Variants in CNTNAP2 observed in about 807,000 individuals in gnomAD.
The protein encoded by CNTNAP2 is contactin associated protein 2, also known as contactin-associated protein-like 2.
Under a neutral mutation model 155.2 loss-of-function variants are expected in CNTNAP2, and 98 were observed. That is an observed-to-expected ratio of 0.63 (90% CI 0.54 to 0.75). The LOEUF is 0.75. CNTNAP2 is among the 30% of genes least tolerant of loss of function. CNTNAP2 has a pLI of 0.00. For synonymous variants in CNTNAP2, 651 were observed against 631.2 expected (o/e 1.03, Z -0.47); for missense variants, 1,727 against 1,688.1 (o/e 1.02, Z -0.40).
chr7:147,415,081 C>T (rs1408756318), intron 10 of CNTNAP2, among the ~76,000 whole-genome samples: 1 of 152,048 alleles, frequency 6.6e-6, no homozygotes, highest in Non-Finnish European at 1.5e-5. Flanking sequence ...GTTCTAGACT[C>T]CCCTCAGCCA....
At chr7:147,541,890 T>C (rs1008286654) in intron 11 of CNTNAP2, among the ~76,000 whole-genome samples, 3 of 152,074 alleles carry the variant, frequency 2.0e-5, no homozygotes, top group South Asian at 2.1e-4. Context: ...AGCAACTTTT[T>C]GGGTAATAAA....
At chr7:147,922,350 C>G (rs1563136139) in intron 14 of CNTNAP2, among the ~76,000 whole-genome samples, 1 of 152,208 alleles carries the variant, frequency 6.6e-6, no homozygotes, top group Non-Finnish European at 1.5e-5. Context: ...AAATCCATCA[C>G]TGACACTAAC....
chr7:147,274,056 A>G (rs1496551), intron 8 of CNTNAP2, among the ~76,000 whole-genome samples: 6,452 of 151,408 alleles, frequency 0.043, 157 homozygotes, highest in Non-Finnish European at 0.052. Context: ...ACACACACAA[A>G]CACAGAGACA....
At chr7:146,930,057 G>A in intron 3 of CNTNAP2, among the ~76,000 whole-genome samples, 1 of 152,184 alleles carries the variant, frequency 6.6e-6, no homozygotes, top group Admixed American at 6.6e-5. Flanking sequence ...TAGCAAGGCA[G>A]GCCAACATTC....
At chr7:147,205,366 C>G (rs534395732) in intron 8 of CNTNAP2, among the ~76,000 whole-genome samples, 2 of 152,094 alleles carry the variant, frequency 1.3e-5, no homozygotes, top group South Asian at 4.1e-4. Context: ...TCCATATACA[C>G]TTTAAGATTA....
intron 10 of CNTNAP2, among the ~76,000 whole-genome samples, chr7:147,414,941 CAAAAA>C (rs67048724): frequency 2.0e-5 from 1 of 50,980 alleles, no homozygotes; most frequent in African/African-American, 6.6e-5. Flanking sequence ...GACTCCTTCT[CAAAAA>C]AAAAAAAAAA....
At chr7:148,346,614 A>G (rs1338873465) in intron 21 of CNTNAP2, among the ~76,000 whole-genome samples, 2 of 151,716 alleles carry the variant, frequency 1.3e-5, no homozygotes, top group East Asian at 3.9e-4. Context: ...TCTACTAAAA[A>G]TACAAAAATT....
intron 10 of CNTNAP2, among the ~76,000 whole-genome samples, chr7:147,425,468 A>G (rs1236782436): frequency 7.1e-6 from 1 of 139,916 alleles, no homozygotes; most frequent in Non-Finnish European, 1.6e-5. Flanking sequence ...AAACTCACTC[A>G]ACTCTCCTGA....
intron 13 of CNTNAP2, among the ~76,000 whole-genome samples, chr7:147,767,665 G>C (rs1797403373): frequency 6.6e-6 from 1 of 151,984 alleles, no homozygotes. Flanking sequence ...AGGAGATTGG[G>C]AGTACCGAGA....
chr7:147,384,675 G>A lies in CNTNAP2; in HGVS notation c.1499-10934G>A, dbSNP rs1310883350. Reference sequence around the variant, plus strand: ...ATAGAGGTTGAATGCATAACAAGGTGGAATAAATGTAATCCAAATTAGAGC... The same window carrying A: ...ATAGAGGTTGAATGCATAACAAGGTAGAATAAATGTAATCCAAATTAGAGC... On this transcript the variant is annotated intron_variant, in intron 9 of 23. Coordinates refer to ENST00000361727, the MANE Select transcript of CNTNAP2 (RefSeq NM_014141.6). 2.0e-5 allele frequency among the ~76,000 whole-genome samples: 3 copies of A among 152,222 alleles called. 1 individual carries two copies. In the East Asian group the frequency reaches 5.8e-4, roughly 29 times the overall value.
At chr7:146,480,301 CA>C (rs74601446) in intron 1 of CNTNAP2, among the ~76,000 whole-genome samples, 31,170 of 151,980 alleles carry the variant, frequency 0.21, 4,475 homozygotes, top group African/African-American at 0.41. Flanking sequence ...AGAAGAAAGG[CA>C]ATGAGAATAA....
chr7:147,778,843 G>C (rs1054216749), intron 13 of CNTNAP2, among the ~76,000 whole-genome samples: 2 of 152,050 alleles, frequency 1.3e-5, no homozygotes, highest in Non-Finnish European at 2.9e-5. Context: ...AATCAAAGGA[G>C]CTGCTATATC....
intron 1 of CNTNAP2, among the ~76,000 whole-genome samples, chr7:146,712,234 A>G (rs1275581692): frequency 3.2e-5 from 4 of 126,614 alleles, no homozygotes; most frequent in South Asian, 5.2e-4. Context: ...AAATATGTAT[A>G]CATATCTTAT....
rs556680470 is a variant in CNTNAP2 at position 146,994,413 on chromosome 7, G to A, written c.403-49494G>A. Among the ~76,000 whole-genome samples the A allele has an allele frequency of 6.6e-5, 10 of 152,126 alleles. 1 individual carries two copies. The highest frequency in any genetic ancestry group is 6.8e-3 in the Middle Eastern group (2 of 294). ...TTTTCAAATGTGTAATTTTAAAGAC[G>A]TGATGAATTCTTAAGAATAATTTTA... On this transcript the variant is annotated intron_variant, in intron 3 of 23. Transcript: ENST00000361727.
At chr7:147,400,558 G>A (rs566448432) in intron 10 of CNTNAP2, among the ~76,000 whole-genome samples, 1 of 152,118 alleles carries the variant, frequency 6.6e-6, no homozygotes, top group Admixed American at 6.5e-5. Context: ...AGTCCATTTT[G>A]CAACTGTGGT....
intron 15 of CNTNAP2, among the ~76,000 whole-genome samples, chr7:148,035,632 C>A (rs561780321): frequency 6.6e-6 from 1 of 152,306 alleles, no homozygotes; most frequent in African/African-American, 2.4e-5. Context: ...TGTTGGACAG[C>A]CTCAGGGCCC....
chr7:148,185,661 G>A (rs1005341530), intron 18 of CNTNAP2, among the ~76,000 whole-genome samples: 1 of 152,142 alleles, frequency 6.6e-6, no homozygotes, highest in African/African-American at 2.4e-5. Flanking sequence ...GATGAATAAA[G>A]CTATAAGTAA....
At chr7:148,387,019 A>G (rs1279667115) in intron 22 of CNTNAP2, among the ~76,000 whole-genome samples, 4 of 152,162 alleles carry the variant, frequency 2.6e-5, no homozygotes, top group Admixed American at 6.5e-5. Context: ...ATGGCCATAA[A>G]ACTTCCCTGG....
At chr7:146,483,275 A>AG (rs1491160774) in intron 1 of CNTNAP2, among the ~76,000 whole-genome samples, 3 of 30,444 alleles carry the variant, frequency 9.9e-5, no homozygotes, top group African/African-American at 4.0e-4. Context: ...GACTCCGTCT[A>AG]AAAAAAAATA....
Sources: allele counts gnomAD v4.1 joint callset (sites outside exome capture counted in the v4.1 genomes callset), GRCh38; gene constraint gnomAD v4.1.1; transcripts MANE v1.5; gene names NCBI Gene and HGNC (gene_info 2026-07-23, HGNC 2026-07-21).